Variants in RNF115 observed in about 807,000 individuals in gnomAD.
RNF115 encodes the protein E3 ubiquitin-protein ligase RNF115.
RNF115 carries 31 observed loss-of-function variants against 39.2 expected under a neutral mutation model. The ratio of observed to expected loss-of-function variants is 0.79; its 90% CI spans 0.59 to 1.07. RNF115 has a LOEUF of 1.07. Ranked by LOEUF, RNF115 falls within the 50% of genes least tolerant of loss-of-function variation. RNF115 has a pLI of 0.00. For synonymous variants in RNF115, 124 were observed against 131.0 expected (o/e 0.95, Z 0.37); for missense variants, 384 against 381.7 (o/e 1.01, Z -0.05).
chr1:145,771,965 T>C, intron 3 of RNF115, 46 bp from the exon 4 acceptor site: 1 of 1,473,276 alleles, frequency 6.8e-7, no homozygotes, highest in African/African-American at 1.4e-5. Context: ...AATCAATCAA[T>C]AAACACCTGG....
chr1:145,778,695 C>T (rs1259979022), intron 3 of RNF115, among the ~76,000 whole-genome samples: 1 of 152,162 alleles, frequency 6.6e-6, no homozygotes, highest in Admixed American at 6.5e-5. Context: ...TTCCCATCCC[C>T]AAGCAACCCC....
rs1657851574 is a variant in RNF115, at chr1:145,745,815, A to ATGC, written c.*1048_*1050dup. ...CAAACATCTGTCTTTCTGTGCCTGT[A>ATGC]TGCTGCCCAACTCATTCCCAAAAAG... is the stretch of plus-strand genomic sequence containing the variant. On this transcript the variant is annotated 3_prime_UTR_variant, in exon 9 of 9. Coordinates refer to ENST00000582693, the MANE Select transcript of RNF115 (RefSeq NM_014455.4). 1 of 151,986 alleles carries ATGC rather than the reference A, an allele frequency of 6.6e-6. No homozygotes were observed. The highest frequency in any genetic ancestry group is 2.1e-4 in the South Asian group (1 of 4,810). 9.4% of individuals were successfully genotyped at this position (151,986 alleles called of 1,614,324 possible).
intron 3 of RNF115, among the ~76,000 whole-genome samples, chr1:145,775,755 G>A (rs1248048600): frequency 1.3e-5 from 2 of 152,078 alleles, no homozygotes; most frequent in Non-Finnish European, 2.9e-5. Context: ...CCCTTTGAGA[G>A]GCTAAGGCGG....
chr1:145,811,932 T>TATATATACACAC (rs1465945929), intron 1 of RNF115, among the ~76,000 whole-genome samples: 8 of 74,664 alleles, frequency 1.1e-4, no homozygotes, highest in Non-Finnish European at 1.4e-4. Flanking sequence ...TATATATATA[T>TATATATACACAC]ACACACACAC....
chr1:145,788,542 G>C lies in RNF115; in HGVS notation c.161+366C>G, dbSNP rs11804764. Among the ~76,000 whole-genome samples the C allele has an allele frequency of 4.2e-3, 644 of 152,280 alleles. 1 individual carries two copies. Among genetic ancestry groups the C allele is most frequent in the African/African-American group, 0.015 (609 of 41,536 alleles). On this transcript the variant is annotated intron_variant, in intron 2 of 8. Coordinates refer to ENST00000582693, the MANE Select transcript of RNF115 (RefSeq NM_014455.4). ...AACAGCAGTTTACCTTCAGACAGCAGAGTGGTCACTAAAAACCAACTAATA... is the reference window on the plus strand; with the variant it reads ...AACAGCAGTTTACCTTCAGACAGCACAGTGGTCACTAAAAACCAACTAATA...
At chr1:145,783,297 A>G (rs1239505277) in intron 3 of RNF115, among the ~76,000 whole-genome samples, 1 of 152,232 alleles carries the variant, frequency 6.6e-6, no homozygotes, top group Non-Finnish European at 1.5e-5. Flanking sequence ...TTAATACTGT[A>G]TATTAAGAAG....
intron 1 of RNF115, among the ~76,000 whole-genome samples, chr1:145,805,626 AAGG>A (rs1649428325): frequency 6.6e-6 from 1 of 152,306 alleles, no homozygotes; most frequent in South Asian, 2.1e-4. Context: ...GTAACTCATA[AAGG>A]AGATTATTTC....
intron 1 of RNF115, among the ~76,000 whole-genome samples, chr1:145,808,870 A>G (rs1250357343): frequency 1.3e-5 from 2 of 152,202 alleles, no homozygotes; most frequent in Non-Finnish European, 2.9e-5. Flanking sequence ...AATAAGTTTG[A>G]GAGCAAAAAT....
At chr1:145,753,079 A>C in intron 4 of RNF115, 30 bp from the exon 5 acceptor site, 2 of 1,449,714 alleles carry the variant, frequency 1.4e-6, no homozygotes, top group Non-Finnish European at 1.9e-6. Context: ...TAGATAAGAC[A>C]ACAGACTAAT....
chr1:145,780,129 G>A (rs1239342816), intron 3 of RNF115, among the ~76,000 whole-genome samples: 3 of 152,008 alleles, frequency 2.0e-5, no homozygotes, highest in Admixed American at 6.5e-5. Context: ...TCGGGAGGCT[G>A]AGGTGAGAGA....
chr1:145,763,931 CCCTCT>C (rs2101501507), intron 4 of RNF115, among the ~76,000 whole-genome samples: 1 of 142,230 alleles, frequency 7.0e-6, no homozygotes, highest in African/African-American at 2.6e-5. Flanking sequence ...GTCTCCCTCT[CCCTCT>C]CTTGCCATGG....
chr1:145,747,124 A>C, intron 8 of RNF115, 127 bp from the exon 9 acceptor site: 2 of 933,438 alleles, frequency 2.1e-6, no homozygotes, highest in Non-Finnish European at 3.3e-6. Flanking sequence ...ACAATAGAGA[A>C]TGCATCCTCA....
intron 4 of RNF115, among the ~76,000 whole-genome samples, chr1:145,757,620 A>C (rs1658350753): frequency 6.6e-6 from 1 of 152,226 alleles, no homozygotes; most frequent in Non-Finnish European, 1.5e-5. Context: ...TGGATTCCAG[A>C]GTCACAGAGA....
At chr1:145,819,381 C>T (rs1423257862) in intron 1 of RNF115, among the ~76,000 whole-genome samples, 1 of 150,740 alleles carries the variant, frequency 6.6e-6, no homozygotes, top group African/African-American at 2.4e-5. Flanking sequence ...TCTGGGAAGT[C>T]GAGGCTGCAG....
chr1:145,774,613 A>G (rs1407036098), intron 3 of RNF115, among the ~76,000 whole-genome samples: 1 of 152,124 alleles, frequency 6.6e-6, no homozygotes, highest in South Asian at 2.1e-4. Context: ...GGCCTCCCAA[A>G]GTGCTGGGAT....
At chr1:145,796,982 A>G (rs1441191721) in intron 1 of RNF115, among the ~76,000 whole-genome samples, 1 of 152,090 alleles carries the variant, frequency 6.6e-6, no homozygotes, top group African/African-American at 2.4e-5. Context: ...AAAAAGTTAC[A>G]TTTGTCTTAT....
At chr1:145,768,369 A>G (rs1647477851) in intron 4 of RNF115, among the ~76,000 whole-genome samples, 1 of 152,188 alleles carries the variant, frequency 6.6e-6, no homozygotes, top group South Asian at 2.1e-4. Context: ...AGGCTGGAGT[A>G]CAGTGGCGCA....
rs1657789882 is a variant in RNF115 at position 145,744,282 on chromosome 1, T to C, written c.*2584A>G. ...TCAACATAGCCTTCCTCCATCTAAG[T>C]AGTGGCCAAATATTCATAATACACC... is the stretch of plus-strand genomic sequence containing the variant. On this transcript the variant is annotated 3_prime_UTR_variant, in exon 9 of 9. Transcript: ENST00000582693. 1.3e-5 allele frequency: 2 copies of C among 152,284 alleles called. No individual in the cohort carries two copies. Among genetic ancestry groups the C allele is most frequent in the Admixed American group, 6.5e-5 (1 of 15,286 alleles). 9.4% of individuals were successfully genotyped at this position (152,284 alleles called of 1,614,324 possible).
intron 3 of RNF115, among the ~76,000 whole-genome samples, chr1:145,784,082 G>A (rs782363739): frequency 1.1e-4 from 16 of 152,156 alleles, no homozygotes; most frequent in African/African-American, 1.2e-4. Context: ...AAACTACTGT[G>A]TTGACTAGAG....
Sources: allele counts gnomAD v4.1 joint callset (sites outside exome capture counted in the v4.1 genomes callset), GRCh38; gene constraint gnomAD v4.1.1; transcripts MANE v1.5; gene names NCBI Gene and HGNC (gene_info 2026-07-23, HGNC 2026-07-21).